P2RX7: variants seen among roughly 807,000 people sequenced by gnomAD.
The protein encoded by P2RX7 is purinergic receptor P2X 7, also known as P2X purinoceptor 7.
Under a neutral mutation model 71.6 loss-of-function variants are expected in P2RX7, and 62 were observed. The ratio of observed to expected loss-of-function variants is 0.87; its 90% confidence interval spans 0.71 to 1.07. The LOEUF (loss-of-function observed/expected upper bound fraction) is 1.07, where lower values mean the gene tolerates loss of function less well. P2RX7 is among the 50% of genes least tolerant of loss of function. The probability of loss-of-function intolerance (pLI) is 0.00; values close to 1 mark genes in which losing one functional copy is unlikely to be tolerated. For synonymous variants in P2RX7, 299 were observed against 283.3 expected (o/e 1.06, Z -0.56); for missense variants, 686 against 748.5 (o/e 0.92, Z 0.97).
rs778651828 is a variant in P2RX7, at chr12:121,177,209, T to C, written c.1035T>C (p.Gly345=). ...TCGGCTCAACCCTCTCCTACTTCGGTCTGGTAAGAGATTCTCTTTTCCATG... is the reference window on the plus strand; with the variant it reads ...TCGGCTCAACCCTCTCCTACTTCGGCCTGGTAAGAGATTCTCTTTTCCATG... ...VYIGSTLSYF[G]LAAVFIDFLI... is the part of the protein sequence containing the mutation. Residue 345 remains glycine, a synonymous_variant, in exon 10 of 13, where the codon GGT becomes GGC. Transcript: ENST00000328963. The C allele has an allele frequency of 9.9e-6, 16 of 1,614,084 alleles. No homozygotes were observed. The highest frequency in any genetic ancestry group is 1.3e-5 in the Non-Finnish European group (15 of 1,180,028).
intron 1 of P2RX7, among the ~76,000 whole-genome samples, chr12:121,136,508 A>G (rs933869497): frequency 6.6e-6 from 1 of 151,058 alleles, no homozygotes; most frequent in Non-Finnish European, 1.5e-5. Flanking sequence ...TTTTGTGGAG[A>G]TGGGGGTCTC....
rs947715164 is a variant in P2RX7 at position 121,165,433 on chromosome 12, A to G, written c.610A>G (p.Thr204Ala). Residue 204 changes from threonine (T) to alanine (A), a missense_variant, in exon 6 of 13, where the codon ACC becomes GCC. Thr to Ala is a moderately conservative substitution (Grantham distance 58). Coordinates refer to ENST00000328963, the MANE Select transcript of P2RX7 (RefSeq NM_002562.6). ...NNIDFPGHNY[T>A]TRNILPGLNI... ...TATCGACTTCCCCGGCCACAACTAC[A>G]CCACGTAAGTGCCCAGGCTGCCTGG... 1 of 1,613,186 alleles carries G rather than the reference A, an allele frequency of 6.2e-7. No individual in the cohort carries two copies. Among genetic ancestry groups the G allele is most frequent in the Non-Finnish European group, 8.5e-7 (1 of 1,179,262 alleles).
At chr12:121,136,111 TTATA>T (rs1335629514) in intron 1 of P2RX7, among the ~76,000 whole-genome samples, 2 of 143,822 alleles carry the variant, frequency 1.4e-5, no homozygotes, top group South Asian at 4.3e-4. Context: ...TTTTATATAT[TTATA>T]TATATTTATA....
At chr12:121,171,390 G>A (rs1427874907) in intron 8 of P2RX7, among the ~76,000 whole-genome samples, 4 of 136,190 alleles carry the variant, frequency 2.9e-5, no homozygotes, top group Non-Finnish European at 4.7e-5. Context: ...TTGAGGCAGG[G>A]TTTCACTCCA....
In P2RX7 at chr12:121,184,259, C is replaced by G. The variant is rs199782087; in HGVS notation, c.1291-46C>G. ...TTAATAAAATTAAAGAACCTAGAAC[C>G]TGAGGGCTTGTCATGGCTAATAGGT... On this transcript the variant is annotated intron_variant, in intron 12 of 12. Transcript: ENST00000328963. The G allele has an allele frequency of 3.3e-5, 50 of 1,529,634 alleles. No homozygotes were observed. In the African/African-American group the frequency reaches 5.8e-4, roughly 18 times the overall value. The allele number at this position is 1,529,634 out of a possible 1,614,324, so 94.8% of individuals were successfully genotyped here.
chr12:121,180,947 G>A (rs1884045973), intron 12 of P2RX7, among the ~76,000 whole-genome samples: 1 of 150,362 alleles, frequency 6.7e-6, no homozygotes, highest in South Asian at 2.1e-4. Flanking sequence ...CTGGGTGACA[G>A]AGCAAGACTC....
intron 4 of P2RX7, 34 bp downstream of exon 4, chr12:121,161,008 G>T (rs764669349): frequency 1.3e-6 from 2 of 1,534,604 alleles, no homozygotes; most frequent in Admixed American, 3.3e-5. Context: ...GACCCTAGGG[G>T]TGGATGGTCT....
intron 3 of P2RX7, among the ~76,000 whole-genome samples, chr12:121,159,560 A>T (rs549352527): frequency 2.6e-5 from 4 of 152,192 alleles, no homozygotes; most frequent in South Asian, 4.1e-4. Context: ...TAGGTCCTTG[A>T]CCTGAATCAC....
chr12:121,156,037 T>G, intron 2 of P2RX7, 42 bp from the exon 3 acceptor site: 1 of 1,539,840 alleles, frequency 6.5e-7, no homozygotes, highest in Non-Finnish European at 9.0e-7. Flanking sequence ...GTAGTTCTCT[T>G]TTCAAAGGCC....
chr12:121,152,510 T>TTTTTG (rs1023065553), intron 1 of P2RX7, among the ~76,000 whole-genome samples: 16 of 151,902 alleles, frequency 1.1e-4, no homozygotes, highest in South Asian at 6.3e-4. Flanking sequence ...TGTTCTTTGT[T>TTTTTG]TTTTGTTTTG....
chr12:121,145,103 C>T (rs1200951818), intron 1 of P2RX7, among the ~76,000 whole-genome samples: 3 of 152,090 alleles, frequency 2.0e-5, no homozygotes, highest in Non-Finnish European at 2.9e-5. Context: ...AAGGTGCAAC[C>T]GACCAGCAAG....
chr12:121,165,556 G>A, intron 6 of P2RX7, 119 bp downstream of exon 6: 1 of 789,578 alleles, frequency 1.3e-6, no homozygotes, highest in Non-Finnish European at 2.1e-6. Context: ...TGTGGGTCAG[G>A]AATCTGGGAA....
At chr12:121,139,128 G>A (rs1266923483) in intron 1 of P2RX7, among the ~76,000 whole-genome samples, 1 of 152,160 alleles carries the variant, frequency 6.6e-6, no homozygotes, top group Non-Finnish European at 1.5e-5. Context: ...TTTTAGTAGA[G>A]ACGGGGTTTT....
intron 1 of P2RX7, among the ~76,000 whole-genome samples, chr12:121,136,350 T>C (rs1873653890): frequency 6.6e-6 from 1 of 151,866 alleles, no homozygotes; most frequent in Admixed American, 6.6e-5. Context: ...CAGGGTCTCA[T>C]TGTGTTGCCC....
rs199779131 is a variant in P2RX7, at chr12:121,160,336, G to A, written c.364-566G>A. Among the ~76,000 whole-genome samples the A allele has an allele frequency of 1.4e-4, 21 of 152,150 alleles. No individual in the cohort carries two copies. The East Asian group carries it at 2.9e-3, about 21-fold the overall frequency. On this transcript the variant is annotated intron_variant, in intron 3 of 12. Transcript: ENST00000328963. ...TAATTTTTGTATTTTTAGTAGAGAC[G>A]GGGTTTCACCATGTTGAGCAGGCTG...
chr12:121,162,755 C>T (rs895592280), intron 5 of P2RX7, among the ~76,000 whole-genome samples: 9 of 152,074 alleles, frequency 5.9e-5, no homozygotes, highest in Non-Finnish European at 1.3e-4. Flanking sequence ...ATAGCTACTA[C>T]CCTGAGCATC....
chr12:121,133,198 C>G, intron 1 of P2RX7, 103 bp downstream of exon 1: 1 of 1,355,206 alleles, frequency 7.4e-7, no homozygotes, highest in Non-Finnish European at 1.0e-6. Context: ...ACATGGTTTT[C>G]GAATCTGAGA....
intron 3 of P2RX7, among the ~76,000 whole-genome samples, chr12:121,156,639 C>A (rs777869976): frequency 6.6e-6 from 1 of 152,196 alleles, no homozygotes; most frequent in Non-Finnish European, 1.5e-5. Context: ...GCTTCTCCTA[C>A]CATGGTTCAC....
Position 121,177,437 on chromosome 12 carries a change from G to A in P2RX7, c.1179G>A (p.Glu393=). The change falls in exon 11 of 13, where the codon GAG becomes GAA. Residue 393 remains glutamate (E), a synonymous_variant. Coordinates refer to ENST00000328963, the MANE Select transcript of P2RX7 (RefSeq NM_002562.6). ...GGAAGAAGTGCGAGTCCATTGTGGA[G>A]CCAAAGCCGGTGAGGCCGCTGTGTT... ...YYRKKCESIV[E]PKPTLKYVSF... 1 of 1,613,212 alleles carries A rather than the reference G, an allele frequency of 6.2e-7. No homozygotes were observed.
Sources: allele counts gnomAD v4.1 joint callset (sites outside exome capture counted in the v4.1 genomes callset), GRCh38; gene constraint gnomAD v4.1.1; transcripts MANE v1.5; gene names NCBI Gene and HGNC (gene_info 2026-07-23, HGNC 2026-07-21).